ZC3H12B: variants seen among roughly 807,000 people sequenced by gnomAD.
ZC3H12B encodes probable ribonuclease ZC3H12B.
In ZC3H12B, 7 loss-of-function variants were observed where a neutral mutation model predicts 43.9. The ratio of observed to expected loss-of-function variants is 0.16; its 90% CI spans 0.09 to 0.30. ZC3H12B has a LOEUF of 0.30. Among genes scored for constraint, ZC3H12B ranks in the 10% least tolerant of loss-of-function variants. ZC3H12B has a pLI of 1.00. For synonymous variants in ZC3H12B, 222 were observed against 241.7 expected (o/e 0.92, Z 0.76); for missense variants, 475 against 670.2 (o/e 0.71, Z 3.22).
At chrX:65,207,274 A>G in the ZC3H12B span, among the ~76,000 whole-genome samples, 1 of 108,404 alleles carries the variant, frequency 9.2e-6, no homozygotes, top group Non-Finnish European at 1.9e-5. Flanking sequence ...ACACACACAC[A>G]TACACACACC....
chrX:65,311,445 T>C, the ZC3H12B span, among the ~76,000 whole-genome samples: 2 of 111,935 alleles, frequency 1.8e-5, no homozygotes, highest in Admixed American at 9.5e-5. Flanking sequence ...CACAATGAGA[T>C]ACCATTTCAC....
the ZC3H12B span, among the ~76,000 whole-genome samples, chrX:65,094,938 A>G: frequency 8.9e-6 from 1 of 112,198 alleles, no homozygotes; most frequent in Non-Finnish European, 1.9e-5. Flanking sequence ...CAATTAACAG[A>G]TAAACTAGTT....
At chrX:65,102,099 T>C in the ZC3H12B span, among the ~76,000 whole-genome samples, 4 of 111,926 alleles carry the variant, frequency 3.6e-5, no homozygotes, top group Non-Finnish European at 5.6e-5. Context: ...TCAATAAATG[T>C]AATCCATCAC....
chrX:65,253,865 C>T, the ZC3H12B span, among the ~76,000 whole-genome samples: 1 of 112,327 alleles, frequency 8.9e-6, no homozygotes. Context: ...CACACACCCA[C>T]AGCCAGGCCC....
the ZC3H12B span, among the ~76,000 whole-genome samples, chrX:65,241,333 A>G: frequency 9.1e-6 from 1 of 109,739 alleles, no homozygotes; most frequent in Non-Finnish European, 1.9e-5. Flanking sequence ...TCTAGTCACA[A>G]TTTGGAACAG....
the ZC3H12B span, among the ~76,000 whole-genome samples, chrX:65,268,315 A>T: frequency 8.9e-6 from 1 of 111,916 alleles, no homozygotes; most frequent in Admixed American, 9.5e-5. Context: ...TTATGGCTGA[A>T]TTCTACCAAA....
At chrX:65,135,625 C>G in the ZC3H12B span, among the ~76,000 whole-genome samples, 2 of 108,660 alleles carry the variant, frequency 1.8e-5, no homozygotes, top group Non-Finnish European at 3.8e-5. Flanking sequence ...CCAGTTATTT[C>G]TTGTAGTACT....
At chrX:65,228,426 C>T in the ZC3H12B span, among the ~76,000 whole-genome samples, 49 of 111,509 alleles carry the variant, frequency 4.4e-4, no homozygotes, top group Non-Finnish European at 8.3e-4. Context: ...CAGCCAATAT[C>T]ATACTGAATG....
At chrX:65,172,571 G>A in the ZC3H12B span, among the ~76,000 whole-genome samples, 1 of 112,350 alleles carries the variant, frequency 8.9e-6, no homozygotes, top group East Asian at 2.8e-4. Context: ...TTACACTTAA[G>A]TTTTTAATCC....
chrX:65,365,753 C>A, upstream of ZC3H12B, among the ~76,000 whole-genome samples: 1 of 111,187 alleles, frequency 9.0e-6, no homozygotes, highest in Admixed American at 9.6e-5. Flanking sequence ...TAACTGATGA[C>A]ATTACCTTGT....
intron 3 of ZC3H12B, among the ~76,000 whole-genome samples, chrX:65,476,786 G>A (rs965891380): frequency 1.6e-4 from 17 of 109,117 alleles, no homozygotes; most frequent in African/African-American, 5.7e-4. Context: ...GTTTTTCATG[G>A]TTTTATCAGC....
At chrX:65,463,182 GGGTAAT>G (rs2067774219) in intron 3 of ZC3H12B, among the ~76,000 whole-genome samples, 1 of 111,608 alleles carries the variant, frequency 9.0e-6, no homozygotes, top group South Asian at 3.7e-4. Flanking sequence ...CTCACTACCT[GGGTAAT>G]GGGATTAAAC....
At chrX:65,392,357 G>A (rs1298778048) in intron 2 of ZC3H12B, among the ~76,000 whole-genome samples, 1 of 111,683 alleles carries the variant, frequency 9.0e-6, no homozygotes, top group African/African-American at 3.3e-5. Flanking sequence ...CTGGGATGTG[G>A]GGAGCACCTC....
the ZC3H12B span, among the ~76,000 whole-genome samples, chrX:65,224,141 G>A: frequency 8.9e-6 from 1 of 112,311 alleles, no homozygotes; most frequent in Admixed American, 9.4e-5. Flanking sequence ...ATGAAAGAGT[G>A]GAATTCACAG....
the ZC3H12B span, among the ~76,000 whole-genome samples, chrX:65,319,841 C>CA: frequency 7.8e-3 from 865 of 111,245 alleles, 8 homozygotes; most frequent in African/African-American, 0.027. Context: ...ATATCAGATG[C>CA]AAAAAGAGCT....
chrX:65,119,596 T>G, the ZC3H12B span, among the ~76,000 whole-genome samples: 45 of 111,968 alleles, frequency 4.0e-4, 1 homozygote, highest in Non-Finnish European at 7.5e-5. Context: ...TTCTGTAGGT[T>G]GCCTGCTCAC....
the ZC3H12B span, among the ~76,000 whole-genome samples, chrX:65,058,449 AG>A: frequency 8.9e-6 from 1 of 111,807 alleles, no homozygotes. Context: ...TTTGTCTCAG[AG>A]GGGTAACCAG....
At chrX:65,378,920 CAGG>C (rs1226075647) in intron 2 of ZC3H12B, among the ~76,000 whole-genome samples, 5 of 112,487 alleles carry the variant, frequency 4.4e-5, no homozygotes. Context: ...AATGGCGCAC[CAGG>C]AGATTATATC....
chrX:65,398,695 C>T (rs1299553832), exon 3 of ZC3H12B: 6 of 112,098 alleles, frequency 5.4e-5, no homozygotes, highest in African/African-American at 1.6e-4. Context: ...CCTGTTAAGC[C>T]TGCAGAACTG....
Sources: allele counts gnomAD v4.1 joint callset (sites outside exome capture counted in the v4.1 genomes callset), GRCh38; gene constraint gnomAD v4.1.1; transcripts MANE v1.5; gene names NCBI Gene and HGNC (gene_info 2026-07-23, HGNC 2026-07-21).